Variants in LRRC43 observed in about 807,000 individuals in gnomAD.
The protein encoded by LRRC43 is leucine-rich repeat-containing protein 43.
LRRC43 carries 62 observed loss-of-function variants against 64.3 expected under a neutral mutation model. The observed-to-expected ratio is 0.96, with a 90% confidence interval of 0.79 to 1.19. The LOEUF (loss-of-function observed/expected upper bound fraction) is 1.19, where lower values mean the gene tolerates loss of function less well. Ranked by LOEUF, LRRC43 falls within the 50% of genes most tolerant of loss-of-function variation. The pLI is 0.00. For missense variants in LRRC43, 868 were observed against 845.0 expected (o/e 1.03, Z -0.34); for synonymous variants, 422 against 382.3 (o/e 1.10, Z -1.21).
At chr12:122,192,388 G>A (rs566990202) in intron 6 of LRRC43, among the ~76,000 whole-genome samples, 126 of 151,834 alleles carry the variant, frequency 8.3e-4, no homozygotes, top group African/African-American at 2.5e-3. Flanking sequence ...CGCCTGCCTC[G>A]GCCTCCCAAA....
At chr12:122,186,822 G>A (rs1164927999) in intron 3 of LRRC43, among the ~76,000 whole-genome samples, 1 of 152,212 alleles carries the variant, frequency 6.6e-6, no homozygotes, top group Admixed American at 6.5e-5. Context: ...GGGAGGCTGA[G>A]ACAGGAGAAT....
intron 1 of LRRC43, among the ~76,000 whole-genome samples, chr12:122,169,809 G>A (rs889756228): frequency 6.7e-6 from 1 of 149,068 alleles, no homozygotes; most frequent in Non-Finnish European, 1.5e-5. Flanking sequence ...TTTTGTTGTT[G>A]TTTGTTGTTG....
chr12:122,190,507 C>T (rs1242435467), intron 5 of LRRC43, 139 bp downstream of exon 5: 7 of 658,430 alleles, frequency 1.1e-5, no homozygotes, highest in African/African-American at 5.4e-5. Context: ...GGTATAGCCT[C>T]TCTTCTGGGT....
At chr12:122,174,342 A>G in intron 1 of LRRC43, 1 of 769,592 alleles carries the variant, frequency 1.3e-6, no homozygotes, top group Non-Finnish European at 2.2e-6. Context: ...CAAAAGTTCT[A>G]CTGGCCACGG....
Position 122,186,221 on chromosome 12 carries a change from T to G in LRRC43, c.443T>G (p.Phe148Cys), listed in dbSNP as rs767324469. The change falls in exon 3 of 12, where the codon TTT becomes TGT. Residue 148 changes from phenylalanine (F) to cysteine (C), a missense_variant. Transcript: ENST00000339777. The stretch of plus-strand genomic sequence containing the variant: ...CTGGTGGATAAAGACCTCCTGAAAT[T>G]TCTAAAGCTGGAGGAGTTGGTACTG... ...VTLVDKDLLK[F>C]LKLEELVLSA... 7 of 1,603,378 alleles carry G rather than the reference T, an allele frequency of 4.4e-6. No homozygotes were observed. The highest frequency in any genetic ancestry group is 6.0e-6 in the Non-Finnish European group (7 of 1,175,280).
chr12:122,187,869 G>A (rs754584748), intron 4 of LRRC43, 29 bp downstream of exon 4: 9 of 1,612,316 alleles, frequency 5.6e-6, no homozygotes, highest in Non-Finnish European at 5.1e-6. Flanking sequence ...TGGAAAGTGA[G>A]AGGGAGGGAT....
In LRRC43 at chr12:122,200,598, G is replaced by C; in HGVS notation, c.1558G>C (p.Glu520Gln). 1 of 1,614,178 alleles carries C rather than the reference G, an allele frequency of 6.2e-7. No homozygotes were observed. Among genetic ancestry groups the C allele is most frequent in the South Asian group, 1.1e-5 (1 of 91,078 alleles). Residue 520 changes from glutamate to glutamine, a missense_variant, in exon 9 of 12, where the codon GAG (glutamate) becomes CAG (glutamine). Transcript: ENST00000339777. The surrounding 1 kb of genome is among the most constrained non-coding windows in gnomAD (Gnocchi z 4.6). ...SPLSAKKGKGEKDKKGKEKDR... is the reference protein window; with the variant it reads ...SPLSAKKGKGQKDKKGKEKDR... ...CCTGTCTGCCAAGAAAGGAAAGGGG[G>C]AGAAAGACAAGAAAGGGAAGGAGAA...
intron 1 of LRRC43, among the ~76,000 whole-genome samples, chr12:122,183,885 C>A (rs1237812846): frequency 1.3e-5 from 2 of 151,908 alleles, no homozygotes; most frequent in East Asian, 3.9e-4. Flanking sequence ...GGATTACAGG[C>A]ACCTGCCACC....
intron 1 of LRRC43, chr12:122,172,211 A>C: frequency 1.9e-6 from 1 of 533,676 alleles, no homozygotes; most frequent in South Asian, 2.3e-5. Context: ...TACCAAGACT[A>C]ATAACAATAA....
intron 3 of LRRC43, among the ~76,000 whole-genome samples, chr12:122,187,095 G>A (rs1228901063): frequency 1.3e-5 from 2 of 151,458 alleles, no homozygotes; most frequent in Non-Finnish European, 2.9e-5. Context: ...GCCAGGCGTC[G>A]TGGCTGGTGC....
rs1302429317 is a variant in LRRC43 at position 122,191,366 on chromosome 12, A to G, written c.902-14A>G. On this transcript the variant is annotated splice_polypyrimidine_tract_variant and intron_variant, in intron 5 of 11. Transcript: ENST00000339777. ...TTCCATGGGCCCCCCTGTCCTGCCC[A>G]TTCCTCCCTGCAGATCTCTTGGCAC... 2 of 1,601,866 alleles carry G rather than the reference A, an allele frequency of 1.2e-6. No individual in the cohort carries two copies. Among genetic ancestry groups the G allele is most frequent in the East Asian group, 4.5e-5 (2 of 44,454 alleles).
intron 1 of LRRC43, among the ~76,000 whole-genome samples, chr12:122,174,501 T>C (rs757504737): frequency 6.6e-6 from 1 of 152,096 alleles, no homozygotes; most frequent in Non-Finnish European, 1.5e-5. Flanking sequence ...CTAGACAAAA[T>C]TTTGAAGCCC....
intron 1 of LRRC43, among the ~76,000 whole-genome samples, chr12:122,170,061 C>T (rs1048455529): frequency 1.3e-5 from 2 of 152,156 alleles, no homozygotes; most frequent in African/African-American, 2.4e-5. Context: ...CCTGCCTCAG[C>T]CTCCCAAAGT....
At position 122,201,300 on chromosome 12, in the gene LRRC43, C is replaced by CAAAGAAGATTAAGAAAGTTGCCAAA; in HGVS notation, c.1819_1843dup (p.Lys616AspfsTer2). 1 of 1,613,980 alleles carries CAAAGAAGATTAAGAAAGTTGCCAAA rather than the reference C, an allele frequency of 6.2e-7. No individual in the cohort carries two copies. Among genetic ancestry groups the CAAAGAAGATTAAGAAAGTTGCCAAA allele is most frequent in the Non-Finnish European group, 8.5e-7 (1 of 1,179,894 alleles). On this transcript the variant is annotated frameshift_variant, in exon 11 of 12. Coordinates refer to ENST00000339777, the MANE Select transcript of LRRC43 (RefSeq NM_001098519.2). LOFTEE classifies it low-confidence loss of function (END_TRUNC). ...TTTTGTGGTTCTTTCTCTCAGGATTCAAAGAAGATTAAGAAAGTTGCCAAA... is the reference window on the plus strand; with the variant it reads ...TTTTGTGGTTCTTTCTCTCAGGATTCAAAGAAGATTAAGAAAGTTGCCAAAAAAGAAGATTAAGAAAGTTGCCAAA...
At chr12:122,172,249 A>G in intron 1 of LRRC43, 1 of 592,816 alleles carries the variant, frequency 1.7e-6, no homozygotes, top group Non-Finnish European at 3.0e-6. Context: ...TAATTCACAA[A>G]TTCACATCTC....
upstream of LRRC43, chr12:122,183,070 C>A (rs566370534): frequency 7.6e-4 from 1,133 of 1,488,744 alleles, no homozygotes; most frequent in Admixed American, 1.4e-3. Context: ...TCCCTCGGGG[C>A]AGGTGAGAGC....
chr12:122,183,001 G>A (rs1953595822), upstream of LRRC43: 3 of 1,302,968 alleles, frequency 2.3e-6, no homozygotes, highest in Non-Finnish European at 3.0e-6. Flanking sequence ...TATAGATGAG[G>A]GCAGAAGAGA....
At chr12:122,179,088 T>C (rs963628346), upstream of LRRC43, among the ~76,000 whole-genome samples, 2 of 151,698 alleles carry the variant, frequency 1.3e-5, no homozygotes, top group African/African-American at 4.9e-5. Context: ...GGTTGGCTGG[T>C]TTGGTTTGGT....
rs1377920499 is a variant in LRRC43, at chr12:122,184,424, A to C, written c.151-95A>C. 2.8e-6 allele frequency: 4 copies of C among 1,452,052 alleles called. No homozygotes were observed. The highest frequency in any genetic ancestry group is 2.8e-6 in the Non-Finnish European group (3 of 1,078,724). The allele number at this position is 1,452,052 out of a possible 1,614,324, so 89.9% of individuals were successfully genotyped here. On this transcript the variant is annotated intron_variant, in intron 1 of 11. Transcript: ENST00000339777. This position sits in a 1 kb window ranked among gnomAD's most constrained non-coding sequence, Gnocchi z 4.0. ...TCTAGATTTCTAAACTCTATCCCTA[A>C]TCGTCCAGTTTTATGATCTGTTCTG...
Sources: gnomAD v4.1 joint callset for allele counts (sites outside exome capture counted in the v4.1 genomes callset) on GRCh38, gnomAD v4.1.1 for gene constraint, Gnocchi (gnomAD v3.1) non-coding constraint, MANE v1.5 for transcripts, NCBI Gene and HGNC (gene_info 2026-07-23, HGNC 2026-07-21) for gene names.